Variants in SGSM1 observed in about 807,000 individuals in gnomAD.
SGSM1 encodes the protein small G protein signaling modulator 1.
SGSM1 carries 73 observed loss-of-function variants against 133.8 expected under a neutral mutation model. The observed-to-expected ratio is 0.55, with a 90% CI of 0.45 to 0.66. The LOEUF (loss-of-function observed/expected upper bound fraction) is 0.66. Among genes scored for constraint, SGSM1 ranks in the 30% least tolerant of loss-of-function variants. The pLI is 0.00. For missense variants in SGSM1, 1,213 were observed against 1,448.1 expected, an observed-to-expected ratio of 0.84 and a Z score of 2.64; for synonymous variants, 563 against 573.0, an observed-to-expected ratio of 0.98 and a Z score of 0.25.
chr22:24,856,254 C>T (rs747763675), intron 8 of SGSM1, among the ~76,000 whole-genome samples: 2 of 152,206 alleles, frequency 1.3e-5, no homozygotes, highest in Non-Finnish European at 2.9e-5. Flanking sequence ...ATGTGTCAGG[C>T]ACTGTGCAAA....
At chr22:24,836,528 T>A (rs190164417) in intron 2 of SGSM1, among the ~76,000 whole-genome samples, 35 of 152,364 alleles carry the variant, frequency 2.3e-4, no homozygotes, top group African/African-American at 7.9e-4. Context: ...AGAACCACCA[T>A]ACTGTCTACC....
intron 9 of SGSM1, among the ~76,000 whole-genome samples, chr22:24,861,548 T>G (rs1452763021): frequency 6.6e-6 from 1 of 151,640 alleles, no homozygotes; most frequent in South Asian, 2.1e-4. Flanking sequence ...TTTATTTTAT[T>G]TATTTATTCA....
intron 4 of SGSM1, among the ~76,000 whole-genome samples, chr22:24,848,973 C>T (rs1930302644): frequency 1.3e-5 from 2 of 152,222 alleles, no homozygotes; most frequent in South Asian, 4.1e-4. Context: ...ACCTTCCAGT[C>T]CATCTGCTAA....
chr22:24,890,049 T>C (rs5752013), intron 16 of SGSM1, among the ~76,000 whole-genome samples: 70,118 of 148,590 alleles, frequency 0.47, 17,889 homozygotes, highest in East Asian at 0.73. Flanking sequence ...CTCTGCCTGC[T>C]GGGTTCACGC....
rs764043127 is a variant in SGSM1 at position 24,850,392 on chromosome 22, G to T, written c.415G>T (p.Val139Phe). The T allele has an allele frequency of 6.2e-7, 1 of 1,614,002 alleles. No individual in the cohort carries two copies. The highest frequency in any genetic ancestry group is 8.5e-7 in the Non-Finnish European group (1 of 1,179,894). The change falls in exon 5 of 25, where the codon GTC (valine) becomes TTC (phenylalanine). Residue 139 changes from valine to phenylalanine, a missense_variant. Physicochemically the swap from Val to Phe is conservative, Grantham distance 50. Coordinates refer to ENST00000400358, the MANE Select transcript of SGSM1 (RefSeq NM_001098497.3). ...GATTCGCACAGCCTTGTTTGAGAAG[G>T]TCCTGGACAAAATTGTGCATTACCT... ...LWIRTALFEK[V>F]LDKIVHYLVE... is the part of the protein sequence containing the mutation.
intron 22 of SGSM1, 139 bp downstream of exon 22, chr22:24,912,891 A>T: frequency 3.3e-6 from 2 of 602,288 alleles, no homozygotes; most frequent in Non-Finnish European, 6.0e-6. Flanking sequence ...CTCAGCATAT[A>T]CTCTTATCTC....
At chr22:24,839,438 C>T (rs1417638829) in intron 2 of SGSM1, among the ~76,000 whole-genome samples, 2 of 152,284 alleles carry the variant, frequency 1.3e-5, no homozygotes, top group South Asian at 2.1e-4. Flanking sequence ...GCATATTTAT[C>T]ATAGATATTG....
At chr22:24,894,497 C>A (rs1236617938) in intron 17 of SGSM1, among the ~76,000 whole-genome samples, 1 of 152,220 alleles carries the variant, frequency 6.6e-6, no homozygotes, top group Non-Finnish European at 1.5e-5. Flanking sequence ...CAACAGTCAG[C>A]GTTTATTTTT....
At chr22:24,914,761 CG>C (rs1334493520) in intron 22 of SGSM1, among the ~76,000 whole-genome samples, 2 of 152,128 alleles carry the variant, frequency 1.3e-5, no homozygotes, top group East Asian at 3.8e-4. Context: ...TCGTCAACCA[CG>C]GGGCAGTTGA....
At chr22:24,820,336 C>T (rs1188825694) in intron 2 of SGSM1, among the ~76,000 whole-genome samples, 1 of 152,154 alleles carries the variant, frequency 6.6e-6, no homozygotes, top group African/African-American at 2.4e-5. Flanking sequence ...AACACCCCTT[C>T]CAGGTCATGG....
chr22:24,847,846 A>T, intron 4 of SGSM1, 50 bp downstream of exon 4: 1 of 1,593,000 alleles, frequency 6.3e-7, no homozygotes, highest in Non-Finnish European at 8.6e-7. Flanking sequence ...CCAATAGTCC[A>T]CAGTCCTCCC....
chr22:24,912,603 G>T, intron 21 of SGSM1, 40 bp from the exon 22 acceptor site: 3 of 1,338,402 alleles, frequency 2.2e-6, no homozygotes, highest in East Asian at 4.7e-5. Context: ...CATATCACTT[G>T]GGCAGCGGGG....
intron 3 of SGSM1, among the ~76,000 whole-genome samples, chr22:24,846,622 C>T (rs1601916549): frequency 6.6e-6 from 1 of 152,226 alleles, no homozygotes; most frequent in South Asian, 2.1e-4. Flanking sequence ...AAAGAATCTC[C>T]TCAAGGTTTC....
chr22:24,845,592 A>C (rs1261590831), intron 3 of SGSM1, among the ~76,000 whole-genome samples: 1 of 152,186 alleles, frequency 6.6e-6, no homozygotes, highest in Admixed American at 6.5e-5. Context: ...AAAATGTCTT[A>C]ATTTAATAAT....
At chr22:24,806,577 C>CCCCCCCGCCGCCAGA in intron 2 of SGSM1, 93 bp downstream of exon 2, 1 of 1,402,282 alleles carries the variant, frequency 7.1e-7, no homozygotes. Flanking sequence ...CCTCTGGCGG[C>CCCCCCCGCCGCCAGA]GGGGGGGCGG....
chr22:24,874,310 AGGGGGAG>A (rs1472097331), intron 12 of SGSM1: 1 of 1,180,096 alleles, frequency 8.5e-7, no homozygotes, highest in Non-Finnish European at 1.2e-6. Context: ...GGAGCCGGGA[AGGGGGAG>A]GGTTGGAGCC....
At chr22:24,871,980 T>G (rs1319733664) in intron 12 of SGSM1, among the ~76,000 whole-genome samples, 3 of 152,226 alleles carry the variant, frequency 2.0e-5, no homozygotes, top group Non-Finnish European at 4.4e-5. Flanking sequence ...TTCAGCCCAC[T>G]CACCTGTTTT....
chr22:24,874,146 T>C (rs979923111), intron 12 of SGSM1, among the ~76,000 whole-genome samples: 4 of 152,206 alleles, frequency 2.6e-5, no homozygotes, highest in Admixed American at 1.3e-4. Context: ...AGAGGGAGGA[T>C]GCATCCCTCA....
chr22:24,918,657 CCCCTTGCCAGCAAGTGATGGAGGA>C (rs1933902871), intron 23 of SGSM1, among the ~76,000 whole-genome samples: 1 of 152,116 alleles, frequency 6.6e-6, no homozygotes, highest in African/African-American at 2.4e-5. Context: ...ACCCCAGGCT[CCCCTTGCCAGCAAGTGATGGAGGA>C]AGGAAGGATT....
Sources: gnomAD v4.1 joint callset for allele counts (sites outside exome capture counted in the v4.1 genomes callset) on GRCh38, gnomAD v4.1.1 for gene constraint, MANE v1.5 for transcripts, NCBI Gene and HGNC (gene_info 2026-07-23, HGNC 2026-07-21) for gene names.